Variants in UBE2H observed in about 807,000 individuals in gnomAD.
UBE2H encodes ubiquitin conjugating enzyme E2 H.
UBE2H carries 3 observed loss-of-function variants against 29.0 expected under a neutral mutation model. The ratio of observed to expected loss-of-function variants is 0.10; its 90% CI spans 0.05 to 0.27. The LOEUF is 0.27. Among genes scored for constraint, UBE2H ranks in the 10% least tolerant of loss-of-function variants. The pLI is 1.00. For synonymous variants in UBE2H, 69 were observed against 82.9 expected (o/e 0.83, Z 0.91); for missense variants, 68 against 228.2 (o/e 0.30, Z 4.52).
chr7:129,847,025 A>ATT (rs199776547), intron 5 of UBE2H, among the ~76,000 whole-genome samples: 9 of 148,316 alleles, frequency 6.1e-5, no homozygotes, highest in African/African-American at 2.0e-4. Context: ...TATTATTATT[A>ATT]TTATTATTTT....
chr7:129,909,977 G>A (rs897503141), intron 1 of UBE2H, among the ~76,000 whole-genome samples: 3 of 152,004 alleles, frequency 2.0e-5, no homozygotes, highest in African/African-American at 7.3e-5. Flanking sequence ...CAAATATAGA[G>A]GGGGGGTGAT....
chr7:129,876,540 T>C (rs1806147577), intron 3 of UBE2H, among the ~76,000 whole-genome samples: 1 of 152,256 alleles, frequency 6.6e-6, no homozygotes, highest in African/African-American at 2.4e-5. Context: ...TTATATCTTT[T>C]ACTCTTTTCA....
At chr7:129,844,764 G>A (rs959628890) in intron 5 of UBE2H, among the ~76,000 whole-genome samples, 6 of 152,172 alleles carry the variant, frequency 3.9e-5, no homozygotes, top group African/African-American at 1.2e-4. Context: ...TCTTCAGTCT[G>A]ATCTTACATT....
At chr7:129,925,202 G>A (rs1807241255) in intron 1 of UBE2H, among the ~76,000 whole-genome samples, 1 of 151,972 alleles carries the variant, frequency 6.6e-6, no homozygotes, top group African/African-American at 2.4e-5. Context: ...ACAAAAATTA[G>A]CTGGGCGTAG....
chr7:129,855,961 G>A (rs151161420), intron 5 of UBE2H, among the ~76,000 whole-genome samples: 63 of 152,252 alleles, frequency 4.1e-4, no homozygotes, highest in African/African-American at 1.2e-3. Flanking sequence ...TGCTATGGAG[G>A]GGTGTGATTT....
At chr7:129,854,075 T>TTTATTTTTTTTTTA (rs1364323952) in intron 5 of UBE2H, among the ~76,000 whole-genome samples, 2 of 150,094 alleles carry the variant, frequency 1.3e-5, no homozygotes, top group Non-Finnish European at 3.0e-5. Flanking sequence ...TTTTTTTTTT[T>TTTATTTTTTTTTTA]TTTTTTTGGC....
chr7:129,949,841 T>C (rs890501258), intron 1 of UBE2H, among the ~76,000 whole-genome samples: 1 of 152,138 alleles, frequency 6.6e-6, no homozygotes, highest in Non-Finnish European at 1.5e-5. Flanking sequence ...CATCCAAAAA[T>C]GGGCTGAAAC....
intron 3 of UBE2H, among the ~76,000 whole-genome samples, chr7:129,859,915 T>C (rs1432258558): frequency 2.6e-5 from 4 of 151,970 alleles, no homozygotes; most frequent in African/African-American, 9.7e-5. Context: ...CAGAACATAT[T>C]TGGTCAGCAC....
chr7:129,850,854 A>T (rs1289233827), intron 5 of UBE2H, among the ~76,000 whole-genome samples: 1 of 136,460 alleles, frequency 7.3e-6, no homozygotes, highest in Non-Finnish European at 1.6e-5. Flanking sequence ...AGAGAGAGGG[A>T]AGGGGGATGG....
At chr7:129,918,004 C>A (rs551293298) in intron 1 of UBE2H, among the ~76,000 whole-genome samples, 35 of 152,098 alleles carry the variant, frequency 2.3e-4, no homozygotes, top group African/African-American at 7.7e-4. Flanking sequence ...CACATCTATT[C>A]TTTTAAGGCA....
intron 3 of UBE2H, among the ~76,000 whole-genome samples, chr7:129,866,553 T>G (rs1243480730): frequency 6.6e-6 from 1 of 152,212 alleles, no homozygotes; most frequent in Non-Finnish European, 1.5e-5. Context: ...TACATTGGAC[T>G]TGAACTCACA....
intron 1 of UBE2H, among the ~76,000 whole-genome samples, chr7:129,929,110 G>A (rs1393821803): frequency 1.3e-5 from 2 of 152,070 alleles, no homozygotes; most frequent in Non-Finnish European, 2.9e-5. Flanking sequence ...CCTGAGGTCG[G>A]GAGTTTGAGA....
rs556830602 is a variant in UBE2H at position 129,898,676 on chromosome 7, T to C, written c.54-17705A>G. ...GCACCACGGAGACAAGTAGAACTGA[T>C]AGGCTCAGGTGCCACCATGTGAGAT... On this transcript the variant is annotated intron_variant, in intron 1 of 6. Transcript: ENST00000355621. Among the ~76,000 whole-genome samples, 7 of 152,282 alleles carry C rather than the reference T, an allele frequency of 4.6e-5. No individual in the cohort carries two copies. The East Asian group carries it at 1.2e-3, about 25-fold the overall frequency.
chr7:129,838,246 A>T (rs1387440539), intron 6 of UBE2H, among the ~76,000 whole-genome samples: 1 of 152,208 alleles, frequency 6.6e-6, no homozygotes, highest in Non-Finnish European at 1.5e-5. Flanking sequence ...CCCTATAGAG[A>T]CCTTGGAAGA....
intron 1 of UBE2H, among the ~76,000 whole-genome samples, chr7:129,925,342 G>A (rs1461723942): frequency 6.6e-6 from 1 of 151,132 alleles, no homozygotes; most frequent in African/African-American, 2.4e-5. Context: ...GCAAGACTCA[G>A]TCTCGAAAAA....
At chr7:129,861,230 A>G (rs534087730) in intron 3 of UBE2H, among the ~76,000 whole-genome samples, 4 of 152,268 alleles carry the variant, frequency 2.6e-5, no homozygotes, top group Admixed American at 1.3e-4. Context: ...TTTAAAAAAA[A>G]AAAAAGACTT....
At chr7:129,935,235 G>A (rs1807502586) in intron 1 of UBE2H, among the ~76,000 whole-genome samples, 1 of 151,694 alleles carries the variant, frequency 6.6e-6, no homozygotes, top group Non-Finnish European at 1.5e-5. Context: ...CCAACATGGT[G>A]AAACCCTGTA....
intron 1 of UBE2H, chr7:129,949,034 C>CT (rs1563056167): frequency 2.2e-6 from 1 of 456,626 alleles, no homozygotes. Context: ...CGCTGAGGAG[C>CT]GGTGCCTGCG....
intron 3 of UBE2H, among the ~76,000 whole-genome samples, chr7:129,860,582 G>C (rs1025329974): frequency 1.3e-5 from 2 of 152,142 alleles, no homozygotes; most frequent in Non-Finnish European, 2.9e-5. Flanking sequence ...AAAGCCAACA[G>C]CCAAATTCAA....
Sources: allele counts gnomAD v4.1 joint callset (sites outside exome capture counted in the v4.1 genomes callset), GRCh38; gene constraint gnomAD v4.1.1; transcripts MANE v1.5; gene names NCBI Gene and HGNC (gene_info 2026-07-23, HGNC 2026-07-21).